Variants in HBS1L observed in about 807,000 individuals in gnomAD.
HBS1L encodes the protein HBS1 like translational GTPase.
In HBS1L, 55 loss-of-function variants were observed where a neutral mutation model predicts 88.9. The ratio of observed to expected loss-of-function variants is 0.62; its 90% CI spans 0.50 to 0.77. HBS1L has a LOEUF of 0.77. Among genes scored for constraint, HBS1L ranks in the 30% least tolerant of loss-of-function variants. The pLI is 0.00. For missense variants in HBS1L, 741 were observed against 829.3 expected (o/e 0.89, Z 1.31); for synonymous variants, 267 against 288.5 (o/e 0.93, Z 0.76).
rs542530003 is a variant in HBS1L at position 135,025,110 on chromosome 6, C to A, written c.430+14463G>T. Among the ~76,000 whole-genome samples, 5 of 152,222 alleles carry A rather than the reference C, an allele frequency of 3.3e-5. No individual in the cohort carries two copies. The South Asian group carries it at 1.0e-3, about 32-fold the overall frequency. On this transcript the variant is annotated intron_variant, in intron 4 of 17. Coordinates refer to ENST00000367837, the MANE Select transcript of HBS1L (RefSeq NM_006620.4). ...GGAAAAATACATCCAGTTTAAGAGCCAATGCAAAGATGTTTCTATCCCAAT... is the reference window on the plus strand; with the variant it reads ...GGAAAAATACATCCAGTTTAAGAGCAAATGCAAAGATGTTTCTATCCCAAT...
In HBS1L at chr6:135,006,508, G is replaced by A. The variant is rs115377612; in HGVS notation, c.431-3666C>T. ...TCACTAGATGACAGCAGTAAAGACT[G>A]ACAGAAGGCTGGCTCAGCTAAAGAC... is the stretch of plus-strand genomic sequence containing the variant. On this transcript the variant is annotated intron_variant, in intron 4 of 17. Coordinates refer to ENST00000367837, the MANE Select transcript of HBS1L (RefSeq NM_006620.4). 7.0e-3 allele frequency among the ~76,000 whole-genome samples: 1,070 copies of A among 152,180 alleles called. 10 individuals are homozygous for A. The highest frequency in any genetic ancestry group is 0.024 in the African/African-American group (1,000 of 41,520).
chr6:135,048,854 A>G (rs1300776785), intron 2 of HBS1L, among the ~76,000 whole-genome samples: 1 of 152,242 alleles, frequency 6.6e-6, no homozygotes, highest in African/African-American at 2.4e-5. Flanking sequence ...TGACCAGAAG[A>G]GCAGGCCTGT....
intron 2 of HBS1L, among the ~76,000 whole-genome samples, chr6:135,045,898 G>A (rs1260769767): frequency 6.6e-6 from 1 of 152,040 alleles, no homozygotes; most frequent in Non-Finnish European, 1.5e-5. Context: ...AGAAACACTG[G>A]TGAACTACAA....
intron 4 of HBS1L, among the ~76,000 whole-genome samples, chr6:135,003,568 T>TAA (rs35996451): frequency 0.43 from 55,578 of 127,850 alleles, 12,544 homozygotes; most frequent in South Asian, 0.56. Flanking sequence ...CTCCATCTCT[T>TAA]AAAAAAAAAA....
chr6:135,042,832 A>AC (rs1346964234), intron 2 of HBS1L, among the ~76,000 whole-genome samples: 14 of 44,390 alleles, frequency 3.2e-4, no homozygotes, highest in African/African-American at 8.6e-4. Context: ...AAAACAAAAA[A>AC]AAAAAACAGA....
At chr6:135,053,523 C>T (rs1298412340) in intron 1 of HBS1L, among the ~76,000 whole-genome samples, 1 of 152,162 alleles carries the variant, frequency 6.6e-6, no homozygotes, top group Non-Finnish European at 1.5e-5. Context: ...GGTCCACATG[C>T]AATACCATCC....
intron 4 of HBS1L, among the ~76,000 whole-genome samples, chr6:135,011,629 G>C (rs1775776104): frequency 6.6e-6 from 1 of 152,098 alleles, no homozygotes; most frequent in African/African-American, 2.4e-5. Flanking sequence ...TCCTGGCTGG[G>C]CGCGGTGGCT....
chr6:135,024,686 TAAC>T (rs749096393), intron 4 of HBS1L, among the ~76,000 whole-genome samples: 6 of 151,740 alleles, frequency 4.0e-5, no homozygotes, highest in Non-Finnish European at 8.8e-5. Context: ...AATTATAAAA[TAAC>T]ATTTTAAGGT....
At chr6:135,012,843 T>C (rs1775812854) in intron 4 of HBS1L, among the ~76,000 whole-genome samples, 2 of 152,246 alleles carry the variant, frequency 1.3e-5, no homozygotes, top group South Asian at 4.1e-4. Flanking sequence ...CCATGGCTTC[T>C]TGGTAATGCA....
chr6:134,990,900 T>C (rs1404972671), intron 8 of HBS1L, among the ~76,000 whole-genome samples: 1 of 152,128 alleles, frequency 6.6e-6, no homozygotes, highest in African/African-American at 2.4e-5. Flanking sequence ...GTCCTAGAAT[T>C]CAGAAGTATT....
At position 134,961,374 on chromosome 6, in the gene HBS1L, T is replaced by G. The variant is rs1047038896; in HGVS notation, c.*3905A>C. On this transcript the variant is annotated 3_prime_UTR_variant, in exon 18 of 18. Transcript: ENST00000367837. ...TGTACATACTTAAATGGTTTCAGTG[T>G]GAAAAAGCAGCTTCTGACCTAGCAT... The G allele has an allele frequency of 4.2e-4, 64 of 152,326 alleles. No individual in the cohort carries two copies. The highest frequency in any genetic ancestry group is 1.4e-3 in the African/African-American group (58 of 41,572). 9.4% of individuals were successfully genotyped at this position (152,326 alleles called of 1,614,324 possible).
chr6:134,985,115 C>T (rs976581395), intron 12 of HBS1L, among the ~76,000 whole-genome samples: 1 of 150,056 alleles, frequency 6.7e-6, no homozygotes, highest in Non-Finnish European at 1.5e-5. Context: ...TTTTCTTATG[C>T]TTGAAAGATG....
At chr6:135,045,838 CA>C (rs34794900) in intron 2 of HBS1L, among the ~76,000 whole-genome samples, 59 of 142,954 alleles carry the variant, frequency 4.1e-4, no homozygotes, top group Non-Finnish European at 4.1e-4. Flanking sequence ...GACTCCGTCT[CA>C]AAAAAAAAAA....
At chr6:134,979,904 T>A (rs1461816230) in intron 13 of HBS1L, among the ~76,000 whole-genome samples, 1 of 152,058 alleles carries the variant, frequency 6.6e-6, no homozygotes, top group Admixed American at 6.6e-5. Context: ...TAAGAAAATT[T>A]AATTTTAAAA....
intron 4 of HBS1L, among the ~76,000 whole-genome samples, chr6:135,022,536 G>A (rs1380767078): frequency 2.0e-5 from 3 of 152,028 alleles, no homozygotes; most frequent in African/African-American, 7.2e-5. Context: ...CTGAACTAAA[G>A]CTTTTTCACT....
At chr6:134,969,706 A>G (rs1021384630) in intron 15 of HBS1L, among the ~76,000 whole-genome samples, 6 of 152,318 alleles carry the variant, frequency 3.9e-5, no homozygotes, top group South Asian at 4.1e-4. Flanking sequence ...TATTATTACA[A>G]GTAGTAGTAG....
intron 2 of HBS1L, among the ~76,000 whole-genome samples, chr6:135,047,258 CA>C (rs1274747457): frequency 6.6e-6 from 1 of 152,200 alleles, no homozygotes; most frequent in African/African-American, 2.4e-5. Context: ...TTCAAGATAA[CA>C]TAACATTTAT....
At chr6:135,031,822 C>G (rs1776391682) in intron 4 of HBS1L, among the ~76,000 whole-genome samples, 1 of 151,370 alleles carries the variant, frequency 6.6e-6, no homozygotes, top group South Asian at 2.1e-4. Context: ...CGCATTTTAT[C>G]AGTTTTGTTT....
intron 7 of HBS1L, among the ~76,000 whole-genome samples, chr6:134,995,912 G>A (rs1042645406): frequency 5.9e-5 from 9 of 152,090 alleles, no homozygotes; most frequent in Middle Eastern, 3.4e-3. Flanking sequence ...TTTACAGAGC[G>A]TTACCTTATA....
Sources: gnomAD v4.1 joint callset for allele counts (sites outside exome capture counted in the v4.1 genomes callset) on GRCh38, gnomAD v4.1.1 for gene constraint, MANE v1.5 for transcripts, NCBI Gene and HGNC (gene_info 2026-07-23, HGNC 2026-07-21) for gene names.